The following PLD1 variants were observed in gnomAD, a reference collection of about 807,000 sequenced individuals.
PLD1 encodes the protein phospholipase D1.
PLD1 carries 112 observed loss-of-function variants against 137.1 expected under a neutral mutation model. The ratio of observed to expected loss-of-function variants is 0.82; its 90% CI spans 0.70 to 0.96. The LOEUF (loss-of-function observed/expected upper bound fraction) is 0.96, where lower values mean the gene tolerates loss of function less well. Ranked by LOEUF, PLD1 falls within the 40% of genes least tolerant of loss-of-function variation. PLD1 has a pLI of 0.00. For synonymous variants in PLD1, 431 were observed against 454.7 expected (o/e 0.95, Z 0.66); for missense variants, 1,321 against 1,342.0 (o/e 0.98, Z 0.24).
chr3:171,740,380 A>G (rs1157263839), intron 1 of PLD1, among the ~76,000 whole-genome samples: 1 of 152,206 alleles, frequency 6.6e-6, no homozygotes, highest in Non-Finnish European at 1.5e-5. Flanking sequence ...TACTTTATTT[A>G]AAATACAAGG....
chr3:171,726,791 T>C (rs1258421732), intron 6 of PLD1, among the ~76,000 whole-genome samples: 1 of 152,244 alleles, frequency 6.6e-6, no homozygotes, highest in Non-Finnish European at 1.5e-5. Flanking sequence ...GTTGGTGTTA[T>C]GCTAACCATT....
At chr3:171,791,367 T>G (rs1723204954) in intron 1 of PLD1, among the ~76,000 whole-genome samples, 1 of 152,206 alleles carries the variant, frequency 6.6e-6, no homozygotes, top group East Asian at 1.9e-4. Context: ...ACATGGTCAT[T>G]TCAAAGCCTA....
intron 1 of PLD1, among the ~76,000 whole-genome samples, chr3:171,768,240 A>C (rs1378450504): frequency 1.3e-5 from 2 of 152,148 alleles, no homozygotes; most frequent in African/African-American, 4.8e-5. Flanking sequence ...TACTGACATT[A>C]CTAAAATAGT....
intron 1 of PLD1, among the ~76,000 whole-genome samples, chr3:171,768,358 G>A (rs1722117952): frequency 6.6e-6 from 1 of 152,202 alleles, no homozygotes. Context: ...AGAACCAGGA[G>A]GTTAGGCATG....
At chr3:171,763,498 G>A (rs1578433793) in intron 1 of PLD1, among the ~76,000 whole-genome samples, 2 of 12,336 alleles carry the variant, frequency 1.6e-4, no homozygotes, top group African/African-American at 3.2e-4. Context: ...GGGAGGGGAG[G>A]GGGGAGGGGA....
intron 19 of PLD1, among the ~76,000 whole-genome samples, chr3:171,674,227 T>C (rs769848085): frequency 2.6e-5 from 4 of 152,226 alleles, no homozygotes; most frequent in Non-Finnish European, 4.4e-5. Flanking sequence ...ATCATGTTGC[T>C]AGGGTCACTT....
At chr3:171,733,740 C>T (rs1252853580) in intron 5 of PLD1, among the ~76,000 whole-genome samples, 1 of 152,134 alleles carries the variant, frequency 6.6e-6, no homozygotes, top group Non-Finnish European at 1.5e-5. Context: ...TTTCCATATG[C>T]TTAGGTCTTC....
intron 1 of PLD1, among the ~76,000 whole-genome samples, chr3:171,748,816 G>A (rs1720455784): frequency 6.7e-6 from 1 of 148,440 alleles, no homozygotes; most frequent in African/African-American, 2.5e-5. Flanking sequence ...GTAATATTGC[G>A]TGGCTTAGAG....
intron 19 of PLD1, among the ~76,000 whole-genome samples, chr3:171,670,052 T>C (rs1041161870): frequency 6.6e-6 from 1 of 152,230 alleles, no homozygotes. Context: ...CTCACTCATA[T>C]GTGGAAGCTT....
Position 171,609,359 on chromosome 3 carries a change from T to C in PLD1, c.2882+2920A>G, listed in dbSNP as rs1288140932. ...TCTCAAAGAGCTAAATATAGAACTATCATTCAATACAACAATCCCACAACT... is the reference window on the plus strand; with the variant it reads ...TCTCAAAGAGCTAAATATAGAACTACCATTCAATACAACAATCCCACAACT... On this transcript the variant is annotated intron_variant, in intron 25 of 26. Transcript: ENST00000351298. Among the ~76,000 whole-genome samples, 4 of 152,088 alleles carry C rather than the reference T, an allele frequency of 2.6e-5. No individual in the cohort carries two copies. In the South Asian group the frequency reaches 8.3e-4, roughly 32 times the overall value.
intron 1 of PLD1, among the ~76,000 whole-genome samples, chr3:171,794,477 A>T (rs1249055864): frequency 6.6e-6 from 1 of 152,202 alleles, no homozygotes; most frequent in Non-Finnish European, 1.5e-5. Flanking sequence ...TCTACCGTGC[A>T]TCTTTTCCCA....
chr3:171,808,815 A>ATTTTTTTTTTTTTTTTTTTTTTTT (rs60146546), intron 1 of PLD1, among the ~76,000 whole-genome samples: 13 of 86,230 alleles, frequency 1.5e-4, no homozygotes, highest in African/African-American at 3.9e-4. Flanking sequence ...TTAGCATTCA[A>ATTTTTTTTTTTTTTTTTTTTTTTT]TTTTTTTTTT....
At chr3:171,633,142 C>G (rs1734817361) in intron 23 of PLD1, among the ~76,000 whole-genome samples, 1 of 151,984 alleles carries the variant, frequency 6.6e-6, no homozygotes, top group Non-Finnish European at 1.5e-5. Flanking sequence ...AATAAATTCA[C>G]CATGAACTCT....
chr3:171,747,015 C>T (rs1183196569), intron 1 of PLD1, among the ~76,000 whole-genome samples: 1 of 152,132 alleles, frequency 6.6e-6, no homozygotes, highest in East Asian at 1.9e-4. Context: ...CCAGCAAGAC[C>T]ACGAACCCAC....
intron 20 of PLD1, among the ~76,000 whole-genome samples, chr3:171,661,825 C>G (rs978064129): frequency 3.9e-5 from 6 of 152,162 alleles, no homozygotes; most frequent in African/African-American, 1.4e-4. Context: ...ATTTTAACAG[C>G]AAAGATTTGT....
intron 6 of PLD1, among the ~76,000 whole-genome samples, chr3:171,728,929 C>T (rs984683541): frequency 3.1e-5 from 4 of 127,932 alleles, no homozygotes; most frequent in Admixed American, 2.3e-4. Context: ...GCCTATTATA[C>T]AGAAAAAAAA....
intron 1 of PLD1, among the ~76,000 whole-genome samples, chr3:171,803,648 G>A (rs144686372): frequency 1.1e-3 from 160 of 152,216 alleles, no homozygotes; most frequent in Non-Finnish European, 1.9e-3. Flanking sequence ...CAGGAGAATC[G>A]CTTGGACCTG....
At chr3:171,625,322 G>T (rs1734007300) in intron 23 of PLD1, among the ~76,000 whole-genome samples, 2 of 152,246 alleles carry the variant, frequency 1.3e-5, no homozygotes, top group African/African-American at 4.8e-5. Flanking sequence ...CCATTGCCCA[G>T]GCTTGCTTAG....
At chr3:171,633,759 C>A (rs185967016) in intron 23 of PLD1, among the ~76,000 whole-genome samples, 3 of 152,244 alleles carry the variant, frequency 2.0e-5, no homozygotes, top group East Asian at 1.9e-4. Context: ...CGTATCTAAT[C>A]CTGATTGAAA....
Sources: allele counts gnomAD v4.1 joint callset (sites outside exome capture counted in the v4.1 genomes callset), GRCh38; gene constraint gnomAD v4.1.1; transcripts MANE v1.5; gene names NCBI Gene and HGNC (gene_info 2026-07-23, HGNC 2026-07-21).